Variants in FAAH2 observed in about 807,000 individuals in gnomAD.
FAAH2 encodes fatty-acid amide hydrolase 2.
Under a neutral mutation model 36.9 loss-of-function variants are expected in FAAH2, and 60 were observed. That is an observed-to-expected ratio of 1.63 (90% confidence interval 1.32 to 2.02). FAAH2 has a LOEUF of 2.02. Among genes scored for constraint, FAAH2 ranks in the 30% most tolerant of loss-of-function variants. The pLI is 0.00. For missense variants in FAAH2, 689 were observed against 397.5 expected (o/e 1.73, Z -6.23); for synonymous variants, 214 against 143.8 (o/e 1.49, Z -3.49).
chrX:57,139,177 A>G, the FAAH2 span, among the ~76,000 whole-genome samples: 1 of 112,098 alleles, frequency 8.9e-6, no homozygotes, highest in African/African-American at 3.2e-5. Context: ...TAGTAGCTTC[A>G]CAATTTCAGG....
At chrX:57,329,191 C>T (rs1051948952) in intron 3 of FAAH2, among the ~76,000 whole-genome samples, 1 of 112,197 alleles carries the variant, frequency 8.9e-6, no homozygotes, top group Non-Finnish European at 1.9e-5. Context: ...GACTGCATTG[C>T]CTTTTGTGGG....
At chrX:57,349,212 CATAT>C (rs1164954497) in intron 5 of FAAH2, among the ~76,000 whole-genome samples, 2 of 85,938 alleles carry the variant, frequency 2.3e-5, no homozygotes, top group Non-Finnish European at 4.5e-5. Flanking sequence ...TACATATATA[CATAT>C]ATATGTGTAT....
chrX:57,345,940 T>A (rs1400286446), intron 5 of FAAH2, among the ~76,000 whole-genome samples: 1 of 111,735 alleles, frequency 8.9e-6, no homozygotes, highest in Non-Finnish European at 1.9e-5. Context: ...TTTTGAAATA[T>A]TTTATTTATA....
chrX:57,204,403 T>C, the FAAH2 span, among the ~76,000 whole-genome samples: 1 of 111,878 alleles, frequency 8.9e-6, no homozygotes, highest in Non-Finnish European at 1.9e-5. Flanking sequence ...GTTAAAGGAA[T>C]ACTCATGTCA....
chrX:57,169,496 GTATATATATATATA>G, the FAAH2 span, among the ~76,000 whole-genome samples: 3 of 36,100 alleles, frequency 8.3e-5, no homozygotes, highest in Non-Finnish European at 2.0e-4. Flanking sequence ...TCAAACACCA[GTATATATATATATA>G]TATATATATA....
At chrX:57,487,873 C>T in intron 10 of FAAH2, among the ~76,000 whole-genome samples, 1 of 111,178 alleles carries the variant, frequency 9.0e-6, no homozygotes, top group Non-Finnish European at 1.9e-5. Flanking sequence ...TTAGTAATAG[C>T]CAAAAGTATT....
chrX:57,381,595 G>C, intron 7 of FAAH2: 1 of 598,606 alleles, frequency 1.7e-6, no homozygotes, highest in Non-Finnish European at 2.0e-6. Context: ...CTTACATAAT[G>C]GTAAAGGGAT....
chrX:57,173,292 A>G, the FAAH2 span, among the ~76,000 whole-genome samples: 3 of 111,898 alleles, frequency 2.7e-5, no homozygotes, highest in South Asian at 1.1e-3. Flanking sequence ...GAGATTTTTC[A>G]CTTCCTTTGT....
intron 7 of FAAH2, among the ~76,000 whole-genome samples, chrX:57,386,511 A>C (rs1317378737): frequency 1.8e-5 from 2 of 111,391 alleles, no homozygotes; most frequent in Non-Finnish European, 3.8e-5. Flanking sequence ...AAAGTAAGTG[A>C]ATGGAAGTAA....
intron 5 of FAAH2, among the ~76,000 whole-genome samples, chrX:57,368,567 A>G (rs1195025398): frequency 8.9e-6 from 1 of 111,787 alleles, no homozygotes; most frequent in Non-Finnish European, 1.9e-5. Flanking sequence ...TCCCACCCAC[A>G]GTGGAGCAGC....
chrX:57,317,747 A>G (rs184094347), intron 3 of FAAH2, among the ~76,000 whole-genome samples: 98 of 112,030 alleles, frequency 8.7e-4, no homozygotes, highest in African/African-American at 3.0e-3. Context: ...TTATTCTAAA[A>G]TTGACCAAAT....
chrX:57,146,848 T>C, the FAAH2 span, among the ~76,000 whole-genome samples: 1 of 112,119 alleles, frequency 8.9e-6, no homozygotes, highest in East Asian at 2.8e-4. Context: ...TTTAATTCTG[T>C]TTATGGGGTG....
At chrX:57,382,509 A>G (rs967942896) in intron 7 of FAAH2, among the ~76,000 whole-genome samples, 4 of 112,089 alleles carry the variant, frequency 3.6e-5, no homozygotes, top group Admixed American at 2.8e-4. Flanking sequence ...CACCAATCCC[A>G]CAGAAGTACA....
rs551669801 is a variant in FAAH2 at position 57,487,045 on chromosome X, T to A, written c.1424-1712T>A. Among the ~76,000 whole-genome samples, 41 of 111,698 alleles carry A rather than the reference T, an allele frequency of 3.7e-4. No homozygotes were observed. The South Asian group carries it at 7.9e-3, about 22-fold the overall frequency. ...GTTCAATGAAGAATTAATAGTCTTT[T>A]CATCAAATGGTTCTAGGACAACTGG... On this transcript the variant is annotated intron_variant, in intron 10 of 10. Coordinates refer to ENST00000374900, the MANE Select transcript of FAAH2 (RefSeq NM_174912.4).
chrX:57,455,625 C>G (rs1175217695), intron 10 of FAAH2, among the ~76,000 whole-genome samples: 2 of 111,675 alleles, frequency 1.8e-5, no homozygotes, highest in African/African-American at 6.5e-5. Flanking sequence ...AAATAGAAAA[C>G]AACAACAACA....
chrX:57,184,969 G>A, the FAAH2 span, among the ~76,000 whole-genome samples: 9 of 111,136 alleles, frequency 8.1e-5, no homozygotes, highest in Non-Finnish European at 3.8e-5. Flanking sequence ...TAAATAGTAG[G>A]TGTATATATT....
At chrX:57,312,829 G>A (rs1309009340) in intron 3 of FAAH2, among the ~76,000 whole-genome samples, 2 of 111,757 alleles carry the variant, frequency 1.8e-5, no homozygotes, top group African/African-American at 3.3e-5. Flanking sequence ...AAAAAGTAGA[G>A]TATCTTTATT....
At chrX:57,299,426 C>T (rs2146830625) in intron 2 of FAAH2, among the ~76,000 whole-genome samples, 1 of 111,677 alleles carries the variant, frequency 9.0e-6, no homozygotes, top group East Asian at 2.8e-4. Context: ...TAAAAACTCT[C>T]AATAAATTAG....
At chrX:57,277,103 C>T in the FAAH2 span, among the ~76,000 whole-genome samples, 1 of 108,733 alleles carries the variant, frequency 9.2e-6, no homozygotes, top group Non-Finnish European at 1.9e-5. Context: ...GATACCAAAA[C>T]CTGGCAGAGA....
Sources: gnomAD v4.1 joint callset for allele counts (sites outside exome capture counted in the v4.1 genomes callset) on GRCh38, gnomAD v4.1.1 for gene constraint, MANE v1.5 for transcripts, NCBI Gene and HGNC (gene_info 2026-07-23, HGNC 2026-07-21) for gene names.